Variants in KAZN observed in about 807,000 individuals in gnomAD.
The protein encoded by KAZN is kazrin, periplakin interacting protein.
In KAZN, 40 loss-of-function variants were observed where a neutral mutation model predicts 87.4. The observed-to-expected ratio is 0.46, with a 90% CI of 0.36 to 0.60. The LOEUF (loss-of-function observed/expected upper bound fraction) is 0.60, where lower values mean the gene tolerates loss of function less well. Ranked by LOEUF, KAZN falls within the 20% of genes least tolerant of loss-of-function variation. The pLI, the probability that KAZN is intolerant of heterozygous loss-of-function variation, is 0.00. For missense variants in KAZN, 898 were observed against 1,073.9 expected (o/e 0.84, Z 2.29); for synonymous variants, 466 against 458.3 (o/e 1.02, Z -0.22).
chr1:14,928,209 G>C, intron 1 of KAZN, among the ~76,000 whole-genome samples: 1 of 152,116 alleles, frequency 6.6e-6, no homozygotes, highest in African/African-American at 2.4e-5. Flanking sequence ...CCAGCACTTT[G>C]GGAGGCCGAG....
chr1:13,944,124 G>A (rs935385706), intron 1 of KAZN, among the ~76,000 whole-genome samples: 2 of 152,216 alleles, frequency 1.3e-5, no homozygotes, highest in Admixed American at 6.5e-5. Flanking sequence ...AATAACCTAA[G>A]TGTTCATTAA....
intron 1 of KAZN, among the ~76,000 whole-genome samples, chr1:14,026,031 G>T (rs1199871055): frequency 6.6e-6 from 1 of 152,072 alleles, no homozygotes; most frequent in African/African-American, 2.4e-5. Flanking sequence ...CAGCAAGACA[G>T]TACATAATTA....
chr1:14,813,680 C>A (rs182553561), intron 1 of KAZN, among the ~76,000 whole-genome samples: 1 of 152,346 alleles, frequency 6.6e-6, no homozygotes, highest in East Asian at 1.9e-4. Flanking sequence ...TATTCACACT[C>A]TTTTGTGACC....
intron 1 of KAZN, among the ~76,000 whole-genome samples, chr1:14,849,021 C>T (rs1002039495): frequency 6.6e-6 from 1 of 152,136 alleles, no homozygotes; most frequent in Admixed American, 6.5e-5. Flanking sequence ...GGTTGGGGGC[C>T]CCGGGATCAT....
rs568418890 is a variant in KAZN at position 15,008,862 on chromosome 1, A to G, written c.419-25887A>G. Among the ~76,000 whole-genome samples, 6 of 152,344 alleles carry G rather than the reference A, an allele frequency of 3.9e-5. No individual in the cohort carries two copies. The South Asian group carries it at 1.0e-3, about 26-fold the overall frequency. On this transcript the variant is annotated intron_variant, in intron 2 of 14. Coordinates refer to ENST00000376030, the MANE Select transcript of KAZN (RefSeq NM_201628.3). ...ATTCCCCTGCCAGCCACAGTCCTCA[A>G]GGCCTCTCCTGCATCCTCATCACTT... is the stretch of plus-strand genomic sequence containing the variant.
intron 1 of KAZN, among the ~76,000 whole-genome samples, chr1:14,849,938 C>CT (rs574691073): frequency 0.099 from 14,137 of 143,204 alleles, 789 homozygotes; most frequent in Admixed American, 0.13. Flanking sequence ...TCTACCCCCC[C>CT]TTTTTTTTTT....
At chr1:14,639,601 C>T (rs1680270406) in intron 1 of KAZN, among the ~76,000 whole-genome samples, 1 of 152,100 alleles carries the variant, frequency 6.6e-6, no homozygotes, top group Admixed American at 6.5e-5. Context: ...GGCTTCCTCC[C>T]CTTCTCAGTC....
chr1:14,971,444 G>A (rs1665019515), intron 2 of KAZN, among the ~76,000 whole-genome samples: 1 of 152,188 alleles, frequency 6.6e-6, no homozygotes, highest in African/African-American at 2.4e-5. Context: ...CTTCTAGCTA[G>A]TAGGTTTTGG....
intron 2 of KAZN, among the ~76,000 whole-genome samples, chr1:14,545,677 A>G (rs1289433476): frequency 6.6e-6 from 1 of 152,188 alleles, no homozygotes; most frequent in Non-Finnish European, 1.5e-5. Context: ...TTAAAAAAAC[A>G]AAGTTGTATT....
intron 2 of KAZN, among the ~76,000 whole-genome samples, chr1:14,377,549 G>A (rs546593819): frequency 6.6e-6 from 1 of 152,122 alleles, no homozygotes; most frequent in Non-Finnish European, 1.5e-5. Flanking sequence ...TTTCACAATG[G>A]GCCAGGTCGC....
intron 2 of KAZN, among the ~76,000 whole-genome samples, chr1:14,529,490 C>G (rs1258501628): frequency 6.6e-6 from 1 of 152,160 alleles, no homozygotes; most frequent in Non-Finnish European, 1.5e-5. Flanking sequence ...AAATAACGAT[C>G]TTGGAATGTG....
intron 2 of KAZN, among the ~76,000 whole-genome samples, chr1:15,024,645 A>G (rs764036763): frequency 2.3e-4 from 35 of 152,208 alleles, no homozygotes; most frequent in Non-Finnish European, 4.0e-4. Context: ...AGCCAGGCTA[A>G]TAGCGGGAGA....
At chr1:14,018,973 A>G (rs1640698533) in intron 1 of KAZN, among the ~76,000 whole-genome samples, 1 of 152,104 alleles carries the variant, frequency 6.6e-6, no homozygotes, top group East Asian at 1.9e-4. Flanking sequence ...CAAGGCCCCT[A>G]ATAAATCCCC....
At chr1:14,112,824 C>T (rs1644529490) in intron 1 of KAZN, among the ~76,000 whole-genome samples, 1 of 152,134 alleles carries the variant, frequency 6.6e-6, no homozygotes, top group African/African-American at 2.4e-5. Flanking sequence ...GTCTCTTGAC[C>T]TTTTCCAAGC....
intron 1 of KAZN, among the ~76,000 whole-genome samples, chr1:14,091,492 T>G (rs1643992420): frequency 6.6e-6 from 1 of 152,192 alleles, no homozygotes; most frequent in Non-Finnish European, 1.5e-5. Context: ...AAATTTTGTC[T>G]TGATTACTCC....
At chr1:14,379,440 A>G (rs1024132444) in intron 2 of KAZN, among the ~76,000 whole-genome samples, 3 of 152,132 alleles carry the variant, frequency 2.0e-5, no homozygotes, top group Admixed American at 6.5e-5. Flanking sequence ...GCAGGCTTTC[A>G]GGGTCCCTGA....
intron 2 of KAZN, among the ~76,000 whole-genome samples, chr1:14,208,156 T>C (rs926491824): frequency 2.0e-5 from 3 of 152,242 alleles, no homozygotes; most frequent in African/African-American, 4.8e-5. Flanking sequence ...GATTATCTCC[T>C]GTATTCATAA....
intron 2 of KAZN, among the ~76,000 whole-genome samples, chr1:14,545,983 C>T (rs2148503214): frequency 6.6e-6 from 1 of 152,110 alleles, no homozygotes; most frequent in East Asian, 1.9e-4. Context: ...GTTAGGAGAA[C>T]CAGAAATATT....
At chr1:14,494,067 G>C (rs753785887) in intron 2 of KAZN, among the ~76,000 whole-genome samples, 1 of 152,112 alleles carries the variant, frequency 6.6e-6, no homozygotes, top group Non-Finnish European at 1.5e-5. Flanking sequence ...ATCATTTTCA[G>C]AAGCACGTAT....
Sources: allele counts gnomAD v4.1 joint callset (sites outside exome capture counted in the v4.1 genomes callset), GRCh38; gene constraint gnomAD v4.1.1; transcripts MANE v1.5; gene names NCBI Gene and HGNC (gene_info 2026-07-23, HGNC 2026-07-21).